The following NUP153 variants were observed in gnomAD, a reference collection of about 807,000 sequenced individuals.
The protein encoded by NUP153 is nuclear pore complex protein Nup153.
In NUP153, 27 loss-of-function variants were observed where a neutral mutation model predicts 134.6. That is an observed-to-expected ratio of 0.20 (90% CI 0.15 to 0.28). The LOEUF (loss-of-function observed/expected upper bound fraction) is 0.28. Among genes scored for constraint, NUP153 ranks in the 10% least tolerant of loss-of-function variants. NUP153 has a pLI of 1.00. For missense variants in NUP153, 1,821 were observed against 1,731.3 expected, an observed-to-expected ratio of 1.05 and a Z score of -0.92; for synonymous variants, 640 against 623.5, an observed-to-expected ratio of 1.03 and a Z score of -0.40.
At chr6:17,657,253 A>C (rs890805582) in intron 11 of NUP153, among the ~76,000 whole-genome samples, 15 of 151,778 alleles carry the variant, frequency 9.9e-5, no homozygotes, top group African/African-American at 3.1e-4. Context: ...ACTAAAAATT[A>C]TTTTCTGGCT....
chr6:17,658,908 G>T (rs1343472700), intron 11 of NUP153, among the ~76,000 whole-genome samples: 2 of 152,128 alleles, frequency 1.3e-5, no homozygotes, highest in African/African-American at 4.8e-5. Context: ...CTGTCTGGTG[G>T]TCTGCCGCCG....
intron 1 of NUP153, among the ~76,000 whole-genome samples, chr6:17,701,224 T>TA (rs80190785): frequency 0.098 from 11,899 of 120,924 alleles, 536 homozygotes; most frequent in Non-Finnish European, 0.11. Context: ...AAACTCTGTC[T>TA]AAAAAAAAAA....
At chr6:17,701,830 C>T (rs1165351973) in intron 1 of NUP153, among the ~76,000 whole-genome samples, 3 of 15,890 alleles carry the variant, frequency 1.9e-4, no homozygotes, top group African/African-American at 3.9e-4. Context: ...AAGACTCTGT[C>T]TCGGGGGGGG....
intron 17 of NUP153, among the ~76,000 whole-genome samples, chr6:17,631,699 G>A (rs888620525): frequency 3.9e-5 from 6 of 151,900 alleles, no homozygotes; most frequent in East Asian, 1.9e-4. Flanking sequence ...AGGCGTGTTG[G>A]CTCACGCCTG....
chr6:17,662,955 A>T (rs1767282911), intron 9 of NUP153, among the ~76,000 whole-genome samples: 1 of 152,194 alleles, frequency 6.6e-6, no homozygotes. Context: ...ACTGTTCTAG[A>T]CTAAAGGAGA....
rs1457183835 is a variant in NUP153, at chr6:17,665,361, G to T, written c.1093C>A (p.Gln365Lys). 1.9e-5 allele frequency: 31 copies of T among 1,612,838 alleles called. No individual in the cohort carries two copies. The highest frequency in any genetic ancestry group is 2.6e-5 in the Non-Finnish European group (31 of 1,179,418). The change falls in exon 9 of 22, where the codon CAG becomes AAG. Residue 365 changes from glutamine (Q) to lysine (K), a missense_variant. Gln to Lys is a moderately conservative substitution (Grantham distance 53, BLOSUM62 1). Transcript: ENST00000262077. ...EKVDSQYPPV[Q>K]RLMTPKPVSI... ...ACTGGCTTTGGGGTCATAAGTCTCT[G>T]AACAGGAGGATATTGAGAATCCACC...
intron 20 of NUP153, among the ~76,000 whole-genome samples, chr6:17,622,092 GCTTTT>G (rs763523045): frequency 1.1e-4 from 17 of 152,164 alleles, no homozygotes; most frequent in East Asian, 1.9e-4. Context: ...TTGTAGCATG[GCTTTT>G]CTTTTGTTTT....
intron 11 of NUP153, among the ~76,000 whole-genome samples, chr6:17,651,517 C>CA: frequency 6.6e-6 from 1 of 151,986 alleles, no homozygotes; most frequent in East Asian, 1.9e-4. Context: ...GACAGAAAGG[C>CA]AAAACTCAGT....
Position 17,647,876 on chromosome 6 carries a change from G to T in NUP153, c.1563C>A (p.Gly521=), listed in dbSNP as rs1011121263. Residue 521 remains glycine (G), a synonymous_variant, in exon 13 of 22, where the codon GGC becomes GGA. Coordinates refer to ENST00000262077, the MANE Select transcript of NUP153 (RefSeq NM_005124.4). ...KVQMTSPSST[G]SPMFKFSSPI... is the part of the protein sequence containing the mutation. ...GAGATGAAAATTTAAACATGGGACTGCCAGTGCTGCTCGGAGAGGTCATTT... is the reference window on the plus strand; with the variant it reads ...GAGATGAAAATTTAAACATGGGACTTCCAGTGCTGCTCGGAGAGGTCATTT... 5.0e-6 allele frequency: 8 copies of T among 1,613,056 alleles called. No homozygotes were observed. The highest frequency in any genetic ancestry group is 6.8e-6 in the Non-Finnish European group (8 of 1,179,110).
At chr6:17,701,692 G>A (rs13202025) in intron 1 of NUP153, among the ~76,000 whole-genome samples, 16,015 of 151,334 alleles carry the variant, frequency 0.11, 897 homozygotes, top group Admixed American at 0.13. Context: ...AAATTAGCTA[G>A]GCGTGGTGGC....
chr6:17,663,102 A>G (rs913227635), intron 9 of NUP153, among the ~76,000 whole-genome samples: 3 of 152,132 alleles, frequency 2.0e-5, no homozygotes, highest in Non-Finnish European at 4.4e-5. Flanking sequence ...ACTGCTATGC[A>G]TTATGTAAGG....
intron 16 of NUP153, among the ~76,000 whole-genome samples, chr6:17,635,591 A>G (rs1416835750): frequency 6.6e-6 from 1 of 152,114 alleles, no homozygotes; most frequent in East Asian, 1.9e-4. Flanking sequence ...TTGTAGAGAC[A>G]GTGCTTCACC....
intron 17 of NUP153, among the ~76,000 whole-genome samples, chr6:17,629,750 G>C (rs1014723254): frequency 4.6e-5 from 7 of 152,190 alleles, no homozygotes; most frequent in Admixed American, 1.3e-4. Flanking sequence ...ATCCTGACAA[G>C]CCACTTTTCA....
chr6:17,695,418 C>T (rs1182755062), intron 1 of NUP153, among the ~76,000 whole-genome samples: 2 of 152,084 alleles, frequency 1.3e-5, no homozygotes, highest in Non-Finnish European at 2.9e-5. Flanking sequence ...TAATTAAGGC[C>T]TTGGTATACA....
chr6:17,630,387 T>C (rs982297995), intron 17 of NUP153, among the ~76,000 whole-genome samples: 1 of 152,146 alleles, frequency 6.6e-6, no homozygotes, highest in Non-Finnish European at 1.5e-5. Flanking sequence ...AGACTGGGCG[T>C]GGTAGCTCAC....
At chr6:17,678,352 C>CAAACAAAAAAAAAAAAA (rs1768357024) in intron 2 of NUP153, among the ~76,000 whole-genome samples, 1 of 68,238 alleles carries the variant, frequency 1.5e-5, no homozygotes. Context: ...CCCTCTGTCT[C>CAAACAAAAAAAAAAAAA]AAAAAAAAAA....
In NUP153 at chr6:17,669,505, T is replaced by G. The variant is rs376395961; in HGVS notation, c.894A>C (p.Ala298=). 19 of 1,613,990 alleles carry G rather than the reference T, an allele frequency of 1.2e-5. No homozygotes were observed. Among genetic ancestry groups the G allele is most frequent in the Non-Finnish European group, 1.5e-5 (18 of 1,179,958 alleles). The change falls in exon 6 of 22, where the codon GCA becomes GCC. Residue 298 remains alanine, a synonymous_variant. Transcript: ENST00000262077. The part of the protein sequence containing the change: ...RRQMKAKQLS[A]QSYGVTSSTA... Reference sequence around the variant, plus strand: ...TTGAACTGGTCACACCGTAAGATTGTGCACTGAGTTGCTTAGCTTTCATTT... The same window carrying G: ...TTGAACTGGTCACACCGTAAGATTGGGCACTGAGTTGCTTAGCTTTCATTT...
At position 17,646,084 on chromosome 6, in the gene NUP153, G is replaced by T; in HGVS notation, c.1703C>A (p.Pro568Gln). 1 of 1,563,480 alleles carries T rather than the reference G, an allele frequency of 6.4e-7. No homozygotes were observed. The highest frequency in any genetic ancestry group is 1.1e-5 in the South Asian group (1 of 89,196). ...TTACTTACCTGAACTACTTATAATTGGTTCTAAAGTACTACTAGAACCAGA... is the reference window on the plus strand; with the variant it reads ...TTACTTACCTGAACTACTTATAATTTGTTCTAAAGTACTACTAGAACCAGA... The part of the protein sequence containing the change: ...ELSGSSSTLE[P>Q]IISSSAHHVT... The change falls in exon 14 of 22, where the codon CCA becomes CAA. Residue 568 changes from proline (P) to glutamine (Q), a missense_variant. Transcript: ENST00000262077.
chr6:17,691,700 C>T (rs958161831), intron 1 of NUP153, among the ~76,000 whole-genome samples: 2 of 152,038 alleles, frequency 1.3e-5, no homozygotes, highest in East Asian at 1.9e-4. Flanking sequence ...GGGAGGCAGA[C>T]GGGCCATTGC....
Sources: gnomAD v4.1 joint callset for allele counts (sites outside exome capture counted in the v4.1 genomes callset) on GRCh38, gnomAD v4.1.1 for gene constraint, MANE v1.5 for transcripts, NCBI Gene and HGNC (gene_info 2026-07-23, HGNC 2026-07-21) for gene names.